BIN3: variants seen among roughly 807,000 people sequenced by gnomAD.
BIN3 encodes the protein bridging integrator 3.
BIN3 carries 41 observed loss-of-function variants against 38.2 expected under a neutral mutation model. The ratio of observed to expected loss-of-function variants is 1.07; its 90% CI spans 0.84 to 1.39. The LOEUF is 1.39. Among genes scored for constraint, BIN3 ranks in the 40% most tolerant of loss-of-function variants. The probability of loss-of-function intolerance (pLI) is 0.00; values close to 1 mark genes in which losing one functional copy is unlikely to be tolerated. For missense variants in BIN3, 361 were observed against 324.3 expected (o/e 1.11, Z -0.87); for synonymous variants, 145 against 122.6 (o/e 1.18, Z -1.21).
chr8:22,623,967 C>G lies in BIN3; in HGVS notation c.563G>C (p.Gly188Ala). ...GGGCTGGAAGTAGTCGAGGCGGCTG[C>G]CGTAGAAGCGCGGCATCTCCTCCAG... is the stretch of plus-strand genomic sequence containing the variant. Reference protein sequence around the residue: ...QLLEEMPRFYGSRLDYFQPSF... With the variant: ...QLLEEMPRFYASRLDYFQPSF... The change falls in exon 8 of 9, where the codon GGC becomes GCC. Residue 188 changes from glycine to alanine, a missense_variant. Transcript: ENST00000276416. The G allele has an allele frequency of 6.2e-7, 1 of 1,612,088 alleles. No homozygotes were observed. Among genetic ancestry groups the G allele is most frequent in the Non-Finnish European group, 8.5e-7 (1 of 1,179,546 alleles).
At chr8:22,643,739 A>C in intron 2 of BIN3, among the ~76,000 whole-genome samples, 1 of 152,150 alleles carries the variant, frequency 6.6e-6, no homozygotes, top group East Asian at 1.9e-4. Context: ...TACTTTTGAG[A>C]GCTCTGCCAA....
At chr8:22,625,585 C>T (rs1470209865) in intron 6 of BIN3, 1 of 601,114 alleles carries the variant, frequency 1.7e-6, no homozygotes, top group African/African-American at 1.8e-5. Flanking sequence ...TCTCAAAGGA[C>T]ATGACCAGGA....
At chr8:22,639,730 C>G (rs1802480760) in intron 2 of BIN3, among the ~76,000 whole-genome samples, 1 of 152,178 alleles carries the variant, frequency 6.6e-6, no homozygotes, top group Non-Finnish European at 1.5e-5. Flanking sequence ...GCAGGCTGGG[C>G]TATAAACCTG....
At chr8:22,625,147 C>CT (rs770782827) in intron 6 of BIN3, 258 of 585,628 alleles carry the variant, frequency 4.4e-4, no homozygotes, top group Middle Eastern at 1.8e-3. Flanking sequence ...GAGTGGCCCT[C>CT]AGAGAGAGCA....
At chr8:22,624,748 C>G (rs1294992465) in intron 6 of BIN3, 3 of 219,554 alleles carry the variant, frequency 1.4e-5, no homozygotes, top group Non-Finnish European at 2.7e-5. Context: ...ACACAACGGA[C>G]TAGGGGATGG....
intron 1 of BIN3, among the ~76,000 whole-genome samples, chr8:22,666,416 A>G (rs1259234914): frequency 2.0e-5 from 3 of 151,104 alleles, no homozygotes; most frequent in Non-Finnish European, 3.0e-5. Context: ...GGGGTGGACA[A>G]TGGGAGAGAA....
intron 1 of BIN3, among the ~76,000 whole-genome samples, chr8:22,660,427 G>A (rs1215728051): frequency 6.6e-6 from 1 of 152,216 alleles, no homozygotes; most frequent in Non-Finnish European, 1.5e-5. Context: ...AGCTTCTGAG[G>A]TACCATCTTT....
intron 1 of BIN3, among the ~76,000 whole-genome samples, chr8:22,648,239 T>A (rs1354487057): frequency 6.6e-6 from 1 of 152,072 alleles, no homozygotes; most frequent in African/African-American, 2.4e-5. Context: ...GATATTGGTG[T>A]GGTACATTGG....
intron 1 of BIN3, among the ~76,000 whole-genome samples, chr8:22,648,285 ATCCTT>A (rs1802775761): frequency 6.6e-6 from 1 of 152,072 alleles, no homozygotes; most frequent in Non-Finnish European, 1.5e-5. Context: ...AGTCAAGACT[ATCCTT>A]TCTTCAGACC....
chr8:22,647,382 T>C (rs1330917741), intron 1 of BIN3, among the ~76,000 whole-genome samples: 1 of 152,144 alleles, frequency 6.6e-6, no homozygotes, highest in African/African-American at 2.4e-5. Flanking sequence ...CCTCTCCTTT[T>C]GTAGATGAGG....
chr8:22,647,435 T>C (rs1206591246), intron 1 of BIN3, among the ~76,000 whole-genome samples: 3 of 152,348 alleles, frequency 2.0e-5, no homozygotes, highest in African/African-American at 7.2e-5. Flanking sequence ...AGGGTCACTC[T>C]GCTGGCTCAC....
chr8:22,661,147 A>G (rs369243510), intron 1 of BIN3, among the ~76,000 whole-genome samples: 1 of 152,054 alleles, frequency 6.6e-6, no homozygotes, highest in African/African-American at 2.4e-5. Flanking sequence ...GGCCTCCCAA[A>G]GTGCTGGGAT....
intron 1 of BIN3, among the ~76,000 whole-genome samples, chr8:22,651,691 C>T (rs180854600): frequency 5.3e-5 from 8 of 152,214 alleles, no homozygotes; most frequent in African/African-American, 1.7e-4. Context: ...TGATTCCCAT[C>T]CTTTGTATAT....
In BIN3 at chr8:22,634,406, C is replaced by T. The variant is rs184947867; in HGVS notation, c.160+2119G>A. 1.8e-3 allele frequency: 805 copies of T among 447,022 alleles called. 1 individual carries two copies. Among genetic ancestry groups the T allele is most frequent in the Non-Finnish European group, 2.2e-3 (490 of 222,054 alleles). The allele number at this position is 447,022 out of a possible 1,614,324, so 27.7% of individuals were successfully genotyped here. ...CCACAGTCCCTGCACAGGCAGTCAG[C>T]GCTCACCCGGGCATGGTGGTGGTGA... is the stretch of plus-strand genomic sequence containing the variant. On this transcript the variant is annotated intron_variant, in intron 4 of 8. Coordinates refer to ENST00000276416, the MANE Select transcript of BIN3 (RefSeq NM_018688.6).
intron 1 of BIN3, among the ~76,000 whole-genome samples, chr8:22,653,766 G>A (rs965842129): frequency 2.0e-5 from 3 of 152,194 alleles, no homozygotes; most frequent in Non-Finnish European, 4.4e-5. Flanking sequence ...ACATAGGCAT[G>A]CCTAGGGTTC....
At chr8:22,655,245 A>T (rs1172303679) in intron 1 of BIN3, among the ~76,000 whole-genome samples, 2 of 152,118 alleles carry the variant, frequency 1.3e-5, no homozygotes, top group African/African-American at 4.8e-5. Flanking sequence ...CCACTTTCTT[A>T]ATGGTGTCCT....
At chr8:22,650,821 CAA>C (rs1338773359) in intron 1 of BIN3, among the ~76,000 whole-genome samples, 1 of 152,164 alleles carries the variant, frequency 6.6e-6, no homozygotes, top group Non-Finnish European at 1.5e-5. Context: ...ATTAAACAAA[CAA>C]AATATTTTTG....
intron 4 of BIN3, among the ~76,000 whole-genome samples, chr8:22,635,259 C>T (rs879561611): frequency 5.3e-5 from 8 of 152,192 alleles, no homozygotes; most frequent in Non-Finnish European, 1.0e-4. Flanking sequence ...CACGCCACGA[C>T]GTGTCATTAT....
chr8:22,637,115 G>A (rs779777100), intron 2 of BIN3, among the ~76,000 whole-genome samples, 153 bp from the exon 3 acceptor site: 1 of 152,180 alleles, frequency 6.6e-6, no homozygotes. Context: ...CTCCTGACAC[G>A]GTATTTCTGA....
Sources: allele counts gnomAD v4.1 joint callset (sites outside exome capture counted in the v4.1 genomes callset), GRCh38; gene constraint gnomAD v4.1.1; transcripts MANE v1.5; gene names NCBI Gene and HGNC (gene_info 2026-07-23, HGNC 2026-07-21).